CSMD1: variants seen among roughly 807,000 people sequenced by gnomAD.
CSMD1 encodes CUB and Sushi multiple domains 1.
CSMD1 carries 213 observed loss-of-function variants against 417.5 expected under a neutral mutation model. The observed-to-expected ratio is 0.51, with a 90% CI of 0.46 to 0.57. The LOEUF (loss-of-function observed/expected upper bound fraction) is 0.57. Ranked by LOEUF, CSMD1 falls within the 20% of genes least tolerant of loss-of-function variation. CSMD1 has a pLI of 0.00. For synonymous variants in CSMD1, 2,862 were observed against 1,736.8 expected, an observed-to-expected ratio of 1.65 and a Z score of -16.11; for missense variants, 6,923 against 4,529.7, an observed-to-expected ratio of 1.53 and a Z score of -15.17.
At chr8:4,328,605 T>C (rs1799691317) in intron 3 of CSMD1, among the ~76,000 whole-genome samples, 1 of 152,100 alleles carries the variant, frequency 6.6e-6, no homozygotes, top group Non-Finnish European at 1.5e-5. Flanking sequence ...TGAAGTCATT[T>C]TGTTTTGAAA....
intron 5 of CSMD1, among the ~76,000 whole-genome samples, chr8:3,960,702 A>G (rs984548144): frequency 6.6e-6 from 1 of 151,896 alleles, no homozygotes; most frequent in Non-Finnish European, 1.5e-5. Context: ...ATTTAATAAG[A>G]TATATTTCTT....
intron 1 of CSMD1, among the ~76,000 whole-genome samples, chr8:4,915,123 G>T (rs1805963544): frequency 6.6e-6 from 1 of 152,222 alleles, no homozygotes. Flanking sequence ...ACCAACTGTG[G>T]TTGCCGAACG....
intron 3 of CSMD1, among the ~76,000 whole-genome samples, chr8:4,370,788 G>C (rs1043600093): frequency 6.6e-5 from 10 of 152,140 alleles, no homozygotes; most frequent in Non-Finnish European, 1.5e-4. Context: ...ATCCAGTTTG[G>C]TTCTTTCTTA....
chr8:4,034,781 T>G (rs750473630), intron 3 of CSMD1, among the ~76,000 whole-genome samples: 9 of 152,216 alleles, frequency 5.9e-5, no homozygotes, highest in Non-Finnish European at 1.3e-4. Context: ...TCATTATTAT[T>G]AACTGCTACT....
At chr8:3,379,650 G>C (rs528032495) in intron 18 of CSMD1, among the ~76,000 whole-genome samples, 2 of 152,144 alleles carry the variant, frequency 1.3e-5, no homozygotes, top group Non-Finnish European at 2.9e-5. Flanking sequence ...AATGGGGAAA[G>C]GATTCCGTAT....
intron 3 of CSMD1, among the ~76,000 whole-genome samples, chr8:4,041,000 C>G (rs1797857410): frequency 1.5e-5 from 2 of 134,190 alleles, no homozygotes; most frequent in Admixed American, 8.2e-5. Context: ...ATTTTCTTTT[C>G]TTTCTTTTTT....
rs1419468721 is a variant in CSMD1, at chr8:4,050,411, T to C, written c.416-18312A>G. On this transcript the variant is annotated intron_variant, in intron 3 of 69. Transcript: ENST00000635120. The stretch of plus-strand genomic sequence containing the variant: ...TTAATTTTTAATTTTTAAAATTTTA[T>C]TTAATTTTTGTTTTTTGCATATATA... Among the ~76,000 whole-genome samples the C allele has an allele frequency of 2.0e-5, 3 of 152,146 alleles. No homozygotes were observed. The South Asian group carries it at 6.2e-4, about 32-fold the overall frequency.
intron 5 of CSMD1, among the ~76,000 whole-genome samples, chr8:3,979,150 C>G (rs922496673): frequency 7.2e-5 from 11 of 152,202 alleles, no homozygotes; most frequent in African/African-American, 2.7e-4. Context: ...AGGCCCTGAT[C>G]ACATTTTACA....
At chr8:3,009,179 A>T (rs1379082194) in intron 52 of CSMD1, among the ~76,000 whole-genome samples, 3 of 152,154 alleles carry the variant, frequency 2.0e-5, no homozygotes, top group African/African-American at 7.2e-5. Context: ...CCACACACGC[A>T]CTTTTGCCCC....
chr8:3,733,910 T>A (rs1395474511), intron 6 of CSMD1, among the ~76,000 whole-genome samples: 1 of 152,132 alleles, frequency 6.6e-6, no homozygotes, highest in Non-Finnish European at 1.5e-5. Flanking sequence ...ATAGTTTATG[T>A]AGGGTTTGGT....
chr8:3,242,518 G>A (rs539342164), intron 26 of CSMD1, among the ~76,000 whole-genome samples: 40 of 152,206 alleles, frequency 2.6e-4, no homozygotes, highest in African/African-American at 7.7e-4. Context: ...ATCTTGCAGG[G>A]TGGAAAAATT....
intron 26 of CSMD1, among the ~76,000 whole-genome samples, chr8:3,257,661 C>G (rs1357457501): frequency 2.0e-5 from 3 of 152,078 alleles, no homozygotes; most frequent in African/African-American, 7.2e-5. Flanking sequence ...GGGGCCAAGG[C>G]TACTGAGAAG....
chr8:3,168,436 G>A (rs929815379), intron 37 of CSMD1, among the ~76,000 whole-genome samples: 9 of 152,026 alleles, frequency 5.9e-5, no homozygotes, highest in Admixed American at 1.3e-4. Flanking sequence ...CTCTTAATTC[G>A]AAAAATCGCA....
At position 4,852,450 on chromosome 8, in the gene CSMD1, T is replaced by C. The variant is rs544561374; in HGVS notation, c.85+141882A>G. Among the ~76,000 whole-genome samples the C allele has an allele frequency of 1.6e-4, 25 of 152,276 alleles. No homozygotes were observed. The Middle Eastern group carries it at 0.01, about 62-fold the overall frequency. On this transcript the variant is annotated intron_variant, in intron 1 of 69. Transcript: ENST00000635120. The stretch of plus-strand genomic sequence containing the variant: ...TCTGCCCCTTTCACTTCCAACATGA[T>C]TGAATGCTTGATGAGGCCTCACCAG...
At chr8:3,257,564 T>G (rs1800748992) in intron 26 of CSMD1, among the ~76,000 whole-genome samples, 1 of 152,046 alleles carries the variant, frequency 6.6e-6, no homozygotes, top group Admixed American at 6.6e-5. Context: ...CAGTTGGTGG[T>G]GATTTCAGGT....
chr8:3,162,026 G>A, intron 38 of CSMD1, 133 bp downstream of exon 38: 1 of 609,388 alleles, frequency 1.6e-6, no homozygotes, highest in Non-Finnish European at 2.9e-6. Flanking sequence ...CAACATGCAT[G>A]ATTTAATATG....
At chr8:3,176,573 T>C (rs1036769614) in intron 37 of CSMD1, among the ~76,000 whole-genome samples, 6 of 152,104 alleles carry the variant, frequency 3.9e-5, no homozygotes, top group African/African-American at 1.4e-4. Flanking sequence ...TTCAGATCCT[T>C]ACATTGTAAA....
At chr8:4,180,527 T>G (rs7835462) in intron 3 of CSMD1, among the ~76,000 whole-genome samples, 44,762 of 151,276 alleles carry the variant, frequency 0.3, 6,844 homozygotes, top group South Asian at 0.42. Flanking sequence ...TGTATACATA[T>G]GTAACTAACC....
chr8:2,942,310 G>A (rs367646366), intron 69 of CSMD1, among the ~76,000 whole-genome samples, 162 bp downstream of exon 69: 12 of 151,468 alleles, frequency 7.9e-5, no homozygotes, highest in African/African-American at 2.9e-4. Context: ...CATCCGGCAC[G>A]TGTACCCCGG....
Sources: allele counts gnomAD v4.1 joint callset (sites outside exome capture counted in the v4.1 genomes callset), GRCh38; gene constraint gnomAD v4.1.1; transcripts MANE v1.5; gene names NCBI Gene and HGNC (gene_info 2026-07-23, HGNC 2026-07-21).